The following TBC1D32 variants were observed in gnomAD, a reference collection of about 807,000 sequenced individuals.
TBC1D32 encodes protein broad-minded.
In TBC1D32, 151 loss-of-function variants were observed where a neutral mutation model predicts 170.3. The observed-to-expected ratio is 0.89, with a 90% CI of 0.78 to 1.01. The LOEUF (loss-of-function observed/expected upper bound fraction) is 1.01, where lower values mean the gene tolerates loss of function less well. Ranked by LOEUF, TBC1D32 falls within the 50% of genes least tolerant of loss-of-function variation. TBC1D32 has a pLI of 0.00. For missense variants in TBC1D32, 1,464 were observed against 1,457.1 expected, an observed-to-expected ratio of 1.00 and a Z score of -0.08; for synonymous variants, 498 against 488.0, an observed-to-expected ratio of 1.02 and a Z score of -0.27.
chr6:121,329,509 A>G (rs2128514369), intron 1 of TBC1D32, among the ~76,000 whole-genome samples: 1 of 152,162 alleles, frequency 6.6e-6, no homozygotes, highest in South Asian at 2.1e-4. Context: ...AAAATTAGCC[A>G]GGCGTGGTGG....
chr6:121,112,327 G>T, intron 29 of TBC1D32, 178 bp downstream of exon 29: 1 of 473,232 alleles, frequency 2.1e-6, no homozygotes, highest in Non-Finnish European at 3.5e-6. Flanking sequence ...AAGACACCAA[G>T]TATTTGAGAA....
chr6:121,266,572 A>G (rs985184875), intron 15 of TBC1D32, among the ~76,000 whole-genome samples: 1 of 152,200 alleles, frequency 6.6e-6, no homozygotes, highest in Non-Finnish European at 1.5e-5. Flanking sequence ...GTATATACCC[A>G]AAGGAATATA....
At chr6:121,279,297 A>G in intron 14 of TBC1D32, 52 bp from the exon 15 acceptor site, 1 of 1,565,856 alleles carries the variant, frequency 6.4e-7, no homozygotes, top group Non-Finnish European at 8.6e-7. Flanking sequence ...TGACATGCTA[A>G]CATATCACAG....
At chr6:121,287,537 C>T (rs1179000263) in intron 12 of TBC1D32, among the ~76,000 whole-genome samples, 1 of 152,106 alleles carries the variant, frequency 6.6e-6, no homozygotes, top group East Asian at 1.9e-4. Context: ...GACTTACACT[C>T]CCACACAATA....
At chr6:121,145,470 T>C (rs1273706) in intron 24 of TBC1D32, among the ~76,000 whole-genome samples, 40,902 of 151,808 alleles carry the variant, frequency 0.27, 8,363 homozygotes, top group African/African-American at 0.56. Context: ...GGGCAGGGTA[T>C]TGGGGGAGAT....
At chr6:121,085,284 T>C (rs1776103211) in intron 31 of TBC1D32, among the ~76,000 whole-genome samples, 1 of 143,866 alleles carries the variant, frequency 7.0e-6, no homozygotes, top group African/African-American at 2.7e-5. Flanking sequence ...TACGTATATA[T>C]ATACATATAT....
intron 24 of TBC1D32, among the ~76,000 whole-genome samples, chr6:121,149,684 G>A (rs1783954959): frequency 6.6e-6 from 1 of 152,104 alleles, no homozygotes; most frequent in Admixed American, 6.5e-5. Context: ...TTGAAGTCAG[G>A]TAGCATGATG....
At chr6:121,119,805 A>C (rs1381570146) in intron 26 of TBC1D32, among the ~76,000 whole-genome samples, 1 of 152,128 alleles carries the variant, frequency 6.6e-6, no homozygotes, top group East Asian at 1.9e-4. Flanking sequence ...TAATGGATTG[A>C]AATCCTGAGG....
chr6:121,222,371 T>C (rs1323424011), intron 21 of TBC1D32, among the ~76,000 whole-genome samples: 1 of 152,086 alleles, frequency 6.6e-6, no homozygotes, highest in Non-Finnish European at 1.5e-5. Flanking sequence ...AGTGCCAACA[T>C]ACAAGTAAGC....
intron 24 of TBC1D32, among the ~76,000 whole-genome samples, chr6:121,152,703 T>C (rs1185040808): frequency 1.3e-5 from 2 of 152,160 alleles, no homozygotes; most frequent in Non-Finnish European, 2.9e-5. Context: ...TCATTCCTTT[T>C]CATTCTTTTT....
At position 121,256,150 on chromosome 6, in the gene TBC1D32, T is replaced by C. The variant is rs759425553; in HGVS notation, c.1869A>G (p.Thr623=). 9.3e-6 allele frequency: 15 copies of C among 1,613,926 alleles called. No individual in the cohort carries two copies. In the South Asian group the frequency reaches 1.1e-4, roughly 12 times the overall value. Residue 623 remains threonine (T), a synonymous_variant, in exon 16 of 32, where the codon ACA becomes ACG. Coordinates refer to ENST00000398212, the MANE Select transcript of TBC1D32 (RefSeq NM_152730.6). The part of the protein sequence containing the change: ...FISVCRHIYS[T]CEGLQVLITY... ...TGATTAACACCTGCAAACCTTCACA[T>C]GTACTATATATGTGACGACACACAG...
At position 121,112,568 on chromosome 6, in the gene TBC1D32, A is replaced by G. The variant is rs199840167; in HGVS notation, c.3261T>C (p.Phe1087=). ...TCAGAAGCCTGGAGAATTGATGAAG[A>G]AATTGGAATGTTTTTTCTTTGTCTC... is the stretch of plus-strand genomic sequence containing the variant. ...MLGDKEKTFQ[F]LHQFSRLLTS... The change falls in exon 29 of 32, where the codon TTT becomes TTC. Residue 1087 remains phenylalanine (F), a synonymous_variant. Transcript: ENST00000398212. 152 of 1,611,408 alleles carry G rather than the reference A, an allele frequency of 9.4e-5. No individual in the cohort carries two copies. The East Asian group carries it at 3.3e-3, about 35-fold the overall frequency.
chr6:121,296,248 T>C (rs553424722), intron 10 of TBC1D32, among the ~76,000 whole-genome samples: 2 of 152,278 alleles, frequency 1.3e-5, no homozygotes, highest in East Asian at 3.9e-4. Context: ...TTTTTGCTGA[T>C]TTTTCTTTGT....
At chr6:121,255,436 T>G in intron 16 of TBC1D32, 26 bp from the exon 17 acceptor site, 1 of 1,090,456 alleles carries the variant, frequency 9.2e-7, no homozygotes, top group Non-Finnish European at 1.3e-6. Context: ...ATAATTTATA[T>G]TGCTTACTGA....
chr6:121,237,909 A>T (rs1255889572), intron 20 of TBC1D32, among the ~76,000 whole-genome samples: 1 of 152,136 alleles, frequency 6.6e-6, no homozygotes, highest in Non-Finnish European at 1.5e-5. Context: ...TGTATCCCAT[A>T]CATTGTGAGA....
intron 22 of TBC1D32, among the ~76,000 whole-genome samples, chr6:121,176,040 T>A (rs1787718967): frequency 6.6e-6 from 1 of 152,032 alleles, no homozygotes; most frequent in Admixed American, 6.6e-5. Flanking sequence ...CACACATACA[T>A]ACAAATATCC....
chr6:121,305,100 T>TA (rs1807134774), intron 5 of TBC1D32, among the ~76,000 whole-genome samples: 1 of 151,746 alleles, frequency 6.6e-6, no homozygotes. Context: ...GAGGAGGGGG[T>TA]AAGGTGAGGT....
intron 2 of TBC1D32, among the ~76,000 whole-genome samples, chr6:121,319,583 A>T (rs1359886665): frequency 6.6e-6 from 1 of 152,176 alleles, no homozygotes; most frequent in Non-Finnish European, 1.5e-5. Flanking sequence ...TAATCTGGTG[A>T]TTTAATAAAG....
At chr6:121,321,564 A>C in intron 2 of TBC1D32, 69 bp downstream of exon 2, 1 of 1,423,586 alleles carries the variant, frequency 7.0e-7, no homozygotes, top group Non-Finnish European at 9.6e-7. Context: ...TGAGGGACAG[A>C]GATCAGGGTG....
Sources: allele counts gnomAD v4.1 joint callset (sites outside exome capture counted in the v4.1 genomes callset), GRCh38; gene constraint gnomAD v4.1.1; transcripts MANE v1.5; gene names NCBI Gene and HGNC (gene_info 2026-07-23, HGNC 2026-07-21).